Variants in NUP153 observed in about 807,000 individuals in gnomAD.
NUP153 encodes the protein nucleoporin 153.
A neutral mutation model predicts 134.6 loss-of-function variants in NUP153; 27 were observed. The ratio of observed to expected loss-of-function variants is 0.20; its 90% CI spans 0.15 to 0.28. The LOEUF (loss-of-function observed/expected upper bound fraction) is 0.28. NUP153 is among the 10% of genes least tolerant of loss of function. The pLI, the probability that NUP153 is intolerant of heterozygous loss-of-function variation, is 1.00. For missense variants in NUP153, 1,821 were observed against 1,731.3 expected, an observed-to-expected ratio of 1.05 and a Z score of -0.92; for synonymous variants, 640 against 623.5, an observed-to-expected ratio of 1.03 and a Z score of -0.40.
chr6:17,645,670 T>C (rs1766128437), intron 14 of NUP153, among the ~76,000 whole-genome samples: 1 of 152,168 alleles, frequency 6.6e-6, no homozygotes, highest in African/African-American at 2.4e-5. Flanking sequence ...GCATAACCTT[T>C]ATACATAAAA....
chr6:17,675,566 T>C lies in NUP153; in HGVS notation c.539A>G (p.Asn180Ser). ...AGAAAAACCACTGGTAGTTGAGATG[T>C]TATCATCATCATGCTGAGAGGTAGA... is the stretch of plus-strand genomic sequence containing the variant. ...KDSTSQHDDD[N>S]ISTTSGFSSR... is the part of the protein sequence containing the mutation. The change falls in exon 3 of 22, where the codon AAC becomes AGC. Residue 180 changes from asparagine (N) to serine (S), a missense_variant. Asn to Ser is a conservative substitution (Grantham distance 46). Coordinates refer to ENST00000262077, the MANE Select transcript of NUP153 (RefSeq NM_005124.4). This position sits in a 1 kb window ranked among gnomAD's most constrained non-coding sequence, Gnocchi z 4.4. 6.2e-7 allele frequency: 1 copy of C among 1,614,026 alleles called. No homozygotes were observed. The highest frequency in any genetic ancestry group is 8.5e-7 in the Non-Finnish European group (1 of 1,179,864).
chr6:17,624,371 A>T (rs1009715125), intron 20 of NUP153, among the ~76,000 whole-genome samples, 190 bp downstream of exon 20: 1 of 152,200 alleles, frequency 6.6e-6, no homozygotes. Context: ...TTACTACCTT[A>T]AAAAAGTTAC....
At position 17,632,846 on chromosome 6, in the gene NUP153, TAA is replaced by T. The variant is rs36027788; in HGVS notation, c.2465-4_2465-3del. On this transcript the variant is annotated splice_polypyrimidine_tract_variant and splice_region_variant and intron_variant, in intron 16 of 21. Coordinates refer to ENST00000262077, the MANE Select transcript of NUP153 (RefSeq NM_005124.4). ...TACTTGAAGCAGGTACTGAACTTCCTAAAAAAAAAAAAAAAAACGGGGAGTGG... is the reference window on the plus strand; with the variant it reads ...TACTTGAAGCAGGTACTGAACTTCCTAAAAAAAAAAAAAAACGGGGAGTGG... The T allele has an allele frequency of 4.7e-3, 4,015 of 856,130 alleles. No homozygotes were observed. The highest frequency in any genetic ancestry group is 7.0e-3 in the South Asian group (285 of 40,766). 53.0% of individuals were successfully genotyped at this position (856,130 alleles called of 1,614,324 possible). A position where few individuals can be genotyped will look rare whatever the true frequency, so the allele number is the denominator to read the frequency against.
intron 16 of NUP153, among the ~76,000 whole-genome samples, chr6:17,636,646 GAA>G (rs1447187691): frequency 1.3e-5 from 2 of 151,350 alleles, no homozygotes; most frequent in Admixed American, 1.3e-4. Context: ...CAGAGAAACA[GAA>G]AAAACTCAAA....
chr6:17,684,545 G>A (rs1410072044), intron 2 of NUP153, among the ~76,000 whole-genome samples: 1 of 152,160 alleles, frequency 6.6e-6, no homozygotes, highest in Admixed American at 6.5e-5. Flanking sequence ...ATCAGCAACT[G>A]GCTGCTTTGC....
intron 1 of NUP153, among the ~76,000 whole-genome samples, chr6:17,703,372 C>T (rs915100083): frequency 6.6e-6 from 1 of 152,156 alleles, no homozygotes; most frequent in African/African-American, 2.4e-5. Flanking sequence ...CCCTGACAGG[C>T]ACTGGCAAAC....
intron 2 of NUP153, among the ~76,000 whole-genome samples, chr6:17,683,308 A>C (rs1768723660): frequency 6.6e-6 from 1 of 152,238 alleles, no homozygotes; most frequent in Non-Finnish European, 1.5e-5. Context: ...GATCTATCTG[A>C]GGAATGACTA....
At chr6:17,686,905 G>A (rs1768968578) in intron 2 of NUP153, among the ~76,000 whole-genome samples, 1 of 137,006 alleles carries the variant, frequency 7.3e-6, no homozygotes, top group Non-Finnish European at 1.6e-5. Flanking sequence ...GGGGGAGGGG[G>A]GCGGGGAGTG....
chr6:17,616,472 C>A, intron 21 of NUP153, 55 bp downstream of exon 21: 1 of 1,459,928 alleles, frequency 6.8e-7, no homozygotes, highest in East Asian at 2.3e-5. Context: ...AAAACATATA[C>A]ATGCACATAC....
At chr6:17,650,070 GA>G (rs1313475138) in intron 11 of NUP153, among the ~76,000 whole-genome samples, 3 of 152,270 alleles carry the variant, frequency 2.0e-5, no homozygotes, top group African/African-American at 7.2e-5. Flanking sequence ...CAAACAAAAT[GA>G]GTTCCACTTG....
chr6:17,686,418 G>T (rs1768930536), intron 2 of NUP153, among the ~76,000 whole-genome samples: 1 of 149,020 alleles, frequency 6.7e-6, no homozygotes, highest in Non-Finnish European at 1.5e-5. Context: ...TTTTTTTTGA[G>T]ACGGAGTCTC....
chr6:17,634,593 C>G (rs1765427887), intron 16 of NUP153, among the ~76,000 whole-genome samples: 1 of 152,158 alleles, frequency 6.6e-6, no homozygotes, highest in Non-Finnish European at 1.5e-5. Flanking sequence ...TCCACGACCA[C>G]GCCCAGCTAA....
At chr6:17,691,684 G>C (rs1449308012) in intron 1 of NUP153, among the ~76,000 whole-genome samples, 1 of 152,064 alleles carries the variant, frequency 6.6e-6, no homozygotes, top group Non-Finnish European at 1.5e-5. Context: ...AGAATCGCTT[G>C]AACGTGGGAG....
Position 17,670,408 on chromosome 6 carries a change from C to T in NUP153, c.853-862G>A, listed in dbSNP as rs567745775. 1.6e-4 allele frequency among the ~76,000 whole-genome samples: 24 copies of T among 152,232 alleles called. No individual in the cohort carries two copies. In the South Asian group the frequency reaches 5.0e-3, roughly 32 times the overall value. Reference sequence around the variant, plus strand: ...TTGTATCCTGTGACCCTGTTAAACTCGCTTATTAGTTGTGGTGGCTTTTTT... The same window carrying T: ...TTGTATCCTGTGACCCTGTTAAACTTGCTTATTAGTTGTGGTGGCTTTTTT... On this transcript the variant is annotated intron_variant, in intron 5 of 21. Transcript: ENST00000262077.
intron 11 of NUP153, among the ~76,000 whole-genome samples, chr6:17,659,770 C>T (rs145277962): frequency 1.5e-3 from 235 of 152,244 alleles, no homozygotes; most frequent in African/African-American, 5.0e-3. Flanking sequence ...CGTGCCCAGC[C>T]GCCAACCCGT....
At chr6:17,660,756 C>T (rs1026940898) in intron 11 of NUP153, among the ~76,000 whole-genome samples, 4 of 152,054 alleles carry the variant, frequency 2.6e-5, no homozygotes. Context: ...AACATGGCAA[C>T]ATCTAATACA....
chr6:17,673,097 G>A (rs533019210), intron 5 of NUP153, among the ~76,000 whole-genome samples: 6 of 152,086 alleles, frequency 3.9e-5, no homozygotes, highest in Admixed American at 1.3e-4. Context: ...GGCTGGGCGC[G>A]GTGGCTCACG....
chr6:17,621,380 G>C (rs1764635116), intron 20 of NUP153, among the ~76,000 whole-genome samples: 1 of 152,148 alleles, frequency 6.6e-6, no homozygotes, highest in African/African-American at 2.4e-5. Flanking sequence ...GAGGAAATCA[G>C]TATATCAAAG....
At position 17,657,200 on chromosome 6, in the gene NUP153, G is replaced by C. The variant is rs1234836138; in HGVS notation, c.1395+4453C>G. Among the ~76,000 whole-genome samples, 4 of 151,930 alleles carry C rather than the reference G, an allele frequency of 2.6e-5. No homozygotes were observed. The East Asian group carries it at 7.7e-4, about 29-fold the overall frequency. On this transcript the variant is annotated intron_variant, in intron 11 of 21. Coordinates refer to ENST00000262077, the MANE Select transcript of NUP153 (RefSeq NM_005124.4). ...TGGTGTGACTTTGCTGTACTGAACA[G>C]TTTATTAATATTAATAATATTTTGC... is the stretch of plus-strand genomic sequence containing the variant.
Sources: gnomAD v4.1 joint callset for allele counts (sites outside exome capture counted in the v4.1 genomes callset) on GRCh38, gnomAD v4.1.1 for gene constraint, Gnocchi (gnomAD v3.1) non-coding constraint, MANE v1.5 for transcripts, NCBI Gene and HGNC (gene_info 2026-07-23, HGNC 2026-07-21) for gene names.